Variants in NRXN1 observed in about 807,000 individuals in gnomAD.
NRXN1 encodes the protein neurexin-1.
A neutral mutation model predicts 150.9 loss-of-function variants in NRXN1; 39 were observed. The ratio of observed to expected loss-of-function variants is 0.26; its 90% CI spans 0.20 to 0.34. The LOEUF (loss-of-function observed/expected upper bound fraction) is 0.34, where lower values mean the gene tolerates loss of function less well. Among genes scored for constraint, NRXN1 ranks in the 10% least tolerant of loss-of-function variants. The pLI is 1.00. For missense variants in NRXN1, 1,815 were observed against 1,949.9 expected (o/e 0.93, Z 1.30); for synonymous variants, 924 against 757.0 (o/e 1.22, Z -3.62).
chr2:50,177,446 T>C (rs1356726388), intron 18 of NRXN1, among the ~76,000 whole-genome samples: 1 of 151,948 alleles, frequency 6.6e-6, no homozygotes, highest in East Asian at 1.9e-4. Context: ...TTCTATAATA[T>C]AGAAAAGTAT....
In NRXN1 at chr2:50,534,764, G is replaced by T. The variant is rs574367952; in HGVS notation, c.2144-3334C>A. On this transcript the variant is annotated intron_variant, in intron 10 of 22. Transcript: ENST00000401669. ...TTCTTTATTTAATCTCTATAACTAGGCTCTATTATTCAATAATCACATTTT... is the reference window on the plus strand; with the variant it reads ...TTCTTTATTTAATCTCTATAACTAGTCTCTATTATTCAATAATCACATTTT... 4.6e-5 allele frequency among the ~76,000 whole-genome samples: 7 copies of T among 152,148 alleles called. No individual in the cohort carries two copies. In the East Asian group the frequency reaches 1.4e-3, roughly 29 times the overall value.
intron 13 of NRXN1, among the ~76,000 whole-genome samples, chr2:50,504,368 G>A (rs923631044): frequency 1.3e-5 from 2 of 151,996 alleles, no homozygotes; most frequent in African/African-American, 2.4e-5. Flanking sequence ...GAAGTATTTC[G>A]GGTTAAAGGG....
At chr2:50,104,667 T>C (rs916967699) in intron 18 of NRXN1, among the ~76,000 whole-genome samples, 2 of 152,040 alleles carry the variant, frequency 1.3e-5, no homozygotes, top group African/African-American at 4.8e-5. Context: ...ATTTAAATGA[T>C]GAGGAAGCTG....
intron 8 of NRXN1, among the ~76,000 whole-genome samples, chr2:50,563,695 T>C (rs1475785596): frequency 6.6e-6 from 1 of 152,144 alleles, no homozygotes; most frequent in Non-Finnish European, 1.5e-5. Context: ...GAGCCTGAAA[T>C]GGACTGTTTA....
At chr2:50,280,104 T>A (rs2071216352) in intron 17 of NRXN1, among the ~76,000 whole-genome samples, 1 of 151,760 alleles carries the variant, frequency 6.6e-6, no homozygotes, top group Admixed American at 6.6e-5. Context: ...CGGTGAGCCC[T>A]CGTCTCTACT....
intron 21 of NRXN1, among the ~76,000 whole-genome samples, chr2:50,008,670 G>A (rs1685155897): frequency 6.6e-6 from 1 of 151,980 alleles, no homozygotes; most frequent in Non-Finnish European, 1.5e-5. Flanking sequence ...AATTTTCTGT[G>A]GAATCTCAAT....
rs201407464 is a variant in NRXN1 at position 50,862,649 on chromosome 2, G to T, written c.832+59220C>A. 1.1e-4 allele frequency among the ~76,000 whole-genome samples: 16 copies of T among 152,168 alleles called. No individual in the cohort carries two copies. In the East Asian group the frequency reaches 2.3e-3, roughly 22 times the overall value. On this transcript the variant is annotated intron_variant, in intron 5 of 22. Transcript: ENST00000401669. ...TTCTTCCTCTGTAAAAAAGATAAAT[G>T]ATCACAGTAGTACATGACTGCTGTT...
chr2:50,546,470 AT>A (rs2093496832), intron 9 of NRXN1, among the ~76,000 whole-genome samples: 1 of 152,182 alleles, frequency 6.6e-6, no homozygotes, highest in African/African-American at 2.4e-5. Context: ...CAGAAAATAA[AT>A]TTTGCTACTT....
chr2:50,862,130 A>G (rs1363568737), intron 5 of NRXN1, among the ~76,000 whole-genome samples: 1 of 151,172 alleles, frequency 6.6e-6, no homozygotes, highest in Non-Finnish European at 1.5e-5. Context: ...TGAACCAGGG[A>G]GGCAGAGGTT....
At chr2:50,029,301 C>T (rs1688838708) in intron 21 of NRXN1, among the ~76,000 whole-genome samples, 1 of 152,158 alleles carries the variant, frequency 6.6e-6, no homozygotes, top group Non-Finnish European at 1.5e-5. Flanking sequence ...TTAGAAGTCA[C>T]CCAGTTTATA....
chr2:50,453,192 G>A (rs1558758132), intron 17 of NRXN1, among the ~76,000 whole-genome samples: 3 of 152,020 alleles, frequency 2.0e-5, no homozygotes, highest in South Asian at 4.2e-4. Context: ...TAGTCTAATA[G>A]TCCTTCAATG....
intron 2 of NRXN1, among the ~76,000 whole-genome samples, chr2:50,959,998 A>G (rs1692889191): frequency 6.6e-6 from 1 of 152,026 alleles, no homozygotes; most frequent in South Asian, 2.1e-4. Context: ...CTTATACACA[A>G]AAATTCTCCG....
At chr2:50,164,589 C>A (rs1159929464) in intron 18 of NRXN1, among the ~76,000 whole-genome samples, 1 of 152,098 alleles carries the variant, frequency 6.6e-6, no homozygotes, top group Non-Finnish European at 1.5e-5. Context: ...TTTGCTTTGG[C>A]AGCTTGAACA....
intron 8 of NRXN1, among the ~76,000 whole-genome samples, chr2:50,581,093 A>C (rs1220532150): frequency 6.6e-6 from 1 of 152,202 alleles, no homozygotes; most frequent in East Asian, 1.9e-4. Flanking sequence ...ATTCTCATTT[A>C]CATTTGACAC....
At chr2:50,567,922 G>T (rs959121526) in intron 8 of NRXN1, among the ~76,000 whole-genome samples, 3 of 152,122 alleles carry the variant, frequency 2.0e-5, no homozygotes, top group African/African-American at 7.2e-5. Flanking sequence ...CACTGCTACA[G>T]AATTCCCAAT....
chr2:50,215,598 T>C (rs2063340367), intron 18 of NRXN1, among the ~76,000 whole-genome samples: 1 of 152,076 alleles, frequency 6.6e-6, no homozygotes, highest in Admixed American at 6.6e-5. Context: ...GCCTTAATTT[T>C]CTTATTCATG....
At chr2:50,719,313 T>G (rs1696302089) in intron 5 of NRXN1, among the ~76,000 whole-genome samples, 1 of 151,672 alleles carries the variant, frequency 6.6e-6, no homozygotes, top group African/African-American at 2.4e-5. Flanking sequence ...CATCAGTATA[T>G]TCAAGCAAAA....
chr2:50,922,712 C>T, intron 3 of NRXN1, 25 bp from the exon 4 acceptor site: 1 of 1,608,624 alleles, frequency 6.2e-7, no homozygotes, highest in Non-Finnish European at 8.5e-7. Context: ...AGAGCACAGT[C>T]AGCAATAAAC....
intron 18 of NRXN1, among the ~76,000 whole-genome samples, chr2:50,184,640 C>T (rs1283424909): frequency 6.6e-6 from 1 of 151,960 alleles, no homozygotes; most frequent in Admixed American, 6.6e-5. Flanking sequence ...AAACACATTT[C>T]AAAATTCATG....
Sources: gnomAD v4.1 joint callset for allele counts (sites outside exome capture counted in the v4.1 genomes callset) on GRCh38, gnomAD v4.1.1 for gene constraint, MANE v1.5 for transcripts, NCBI Gene and HGNC (gene_info 2026-07-23, HGNC 2026-07-21) for gene names.